Variants in STK32B observed in about 807,000 individuals in gnomAD.
STK32B encodes the protein serine/threonine-protein kinase 32B.
In STK32B, 43 loss-of-function variants were observed where a neutral mutation model predicts 52.6. The observed-to-expected ratio is 0.82, with a 90% CI of 0.64 to 1.05. STK32B has a LOEUF of 1.05. Ranked by LOEUF, STK32B falls within the 50% of genes least tolerant of loss-of-function variation. The pLI is 0.00. For synonymous variants in STK32B, 238 were observed against 204.3 expected (o/e 1.17, Z -1.41); for missense variants, 621 against 534.6 (o/e 1.16, Z -1.59).
chr4:5,065,354 G>A (rs1221203387), intron 1 of STK32B, among the ~76,000 whole-genome samples: 6 of 152,170 alleles, frequency 3.9e-5, no homozygotes, highest in Non-Finnish European at 8.8e-5. Flanking sequence ...CAGAAACTTA[G>A]AAGGTGGCCC....
chr4:5,198,629 C>T (rs913141509), intron 3 of STK32B, among the ~76,000 whole-genome samples: 1 of 152,138 alleles, frequency 6.6e-6, no homozygotes, highest in Non-Finnish European at 1.5e-5. Flanking sequence ...TTTAGGCCCA[C>T]GGCCCACATG....
chr4:5,360,677 A>G lies in STK32B; in HGVS notation c.434+29284A>G, dbSNP rs555121892. ...AAAAGTTAGCTGGGCATGGTGGCAC[A>G]TGCCTGTAATCCCAGCTACTCGGGA... On this transcript the variant is annotated intron_variant, in intron 4 of 11. Coordinates refer to ENST00000282908, the MANE Select transcript of STK32B (RefSeq NM_018401.3). 2.0e-4 allele frequency among the ~76,000 whole-genome samples: 30 copies of G among 152,264 alleles called. 1 individual carries two copies. The highest frequency in any genetic ancestry group is 3.4e-3 in the Middle Eastern group (1 of 294).
intron 3 of STK32B, among the ~76,000 whole-genome samples, chr4:5,175,738 A>G (rs781688280): frequency 2.0e-5 from 3 of 152,128 alleles, no homozygotes; most frequent in South Asian, 2.1e-4. Flanking sequence ...CAGTTAGGCT[A>G]CTTGGGGATC....
chr4:5,317,243 A>T (rs1300423111), intron 3 of STK32B, among the ~76,000 whole-genome samples: 7 of 47,416 alleles, frequency 1.5e-4, no homozygotes, highest in East Asian at 8.1e-4. Context: ...ACATATATAT[A>T]TTATATATAA....
chr4:5,253,276 A>G (rs768747323), intron 3 of STK32B, among the ~76,000 whole-genome samples: 6 of 152,104 alleles, frequency 3.9e-5, no homozygotes, highest in Non-Finnish European at 8.8e-5. Context: ...CTGGGCCTCC[A>G]ACTAGACAAT....
At chr4:5,191,280 T>C (rs1325340131) in intron 3 of STK32B, among the ~76,000 whole-genome samples, 2 of 150,288 alleles carry the variant, frequency 1.3e-5, no homozygotes, top group Non-Finnish European at 3.0e-5. Context: ...AGACAGAGTC[T>C]CGCTCTGTCA....
chr4:5,453,517 G>A lies in STK32B; in HGVS notation c.667-3290G>A, dbSNP rs1264988821. Reference sequence around the variant, plus strand: ...GATGAAGTGCCCCATCATTGTCCAGGGTCTTTGCACCTCCTTTTCAGGGTA... The same window carrying A: ...GATGAAGTGCCCCATCATTGTCCAGAGTCTTTGCACCTCCTTTTCAGGGTA... On this transcript the variant is annotated intron_variant, in intron 7 of 11. Transcript: ENST00000282908. The surrounding 1 kb of genome is among the most constrained non-coding windows in gnomAD (Gnocchi z 4.0). Among the ~76,000 whole-genome samples the A allele has an allele frequency of 6.6e-6, 1 of 152,088 alleles. No homozygotes were observed. The highest frequency in any genetic ancestry group is 1.5e-5 in the Non-Finnish European group (1 of 68,028).
chr4:5,281,422 C>G (rs1728190505), intron 3 of STK32B, among the ~76,000 whole-genome samples: 1 of 152,030 alleles, frequency 6.6e-6, no homozygotes, highest in South Asian at 2.1e-4. Context: ...AGGGGAACAT[C>G]ACACACCAGG....
chr4:5,184,854 C>T (rs1022909564), intron 3 of STK32B, among the ~76,000 whole-genome samples: 1 of 152,170 alleles, frequency 6.6e-6, no homozygotes, highest in East Asian at 1.9e-4. Context: ...GTGCTTGATG[C>T]AGGGTTGCCG....
chr4:5,466,408 G>A (rs565083302), intron 9 of STK32B, among the ~76,000 whole-genome samples: 12 of 152,256 alleles, frequency 7.9e-5, no homozygotes, highest in East Asian at 1.9e-4. Context: ...AATCAGATTC[G>A]AAAACTGAAC....
intron 4 of STK32B, among the ~76,000 whole-genome samples, chr4:5,333,810 G>C (rs1015433192): frequency 1.3e-5 from 2 of 152,092 alleles, no homozygotes; most frequent in Non-Finnish European, 2.9e-5. Flanking sequence ...ATTTCTGAGG[G>C]CTCTGTTGTG....
At chr4:5,357,587 G>C (rs760817892) in intron 4 of STK32B, among the ~76,000 whole-genome samples, 16 of 151,902 alleles carry the variant, frequency 1.1e-4, no homozygotes, top group Admixed American at 3.3e-4. Flanking sequence ...TGTTCTCTGG[G>C]CAGTCTGAAC....
intron 3 of STK32B, among the ~76,000 whole-genome samples, chr4:5,262,374 C>T (rs1726766833): frequency 6.6e-6 from 1 of 151,912 alleles, no homozygotes; most frequent in Non-Finnish European, 1.5e-5. Flanking sequence ...CACCTGTAAT[C>T]CCAGCACTTT....
At chr4:5,473,353 A>G (rs1262953704) in intron 11 of STK32B, among the ~76,000 whole-genome samples, 2 of 152,174 alleles carry the variant, frequency 1.3e-5, no homozygotes, top group African/African-American at 2.4e-5. Flanking sequence ...GTTCTCTCCA[A>G]TGCACCCAAT....
chr4:5,073,655 G>A (rs1711910931), intron 1 of STK32B, among the ~76,000 whole-genome samples: 1 of 151,972 alleles, frequency 6.6e-6, no homozygotes, highest in Non-Finnish European at 1.5e-5. Flanking sequence ...CTTTCAGATA[G>A]TACAGGCCTG....
At chr4:5,437,643 G>A (rs558565526) in intron 6 of STK32B, among the ~76,000 whole-genome samples, 3 of 152,268 alleles carry the variant, frequency 2.0e-5, no homozygotes, top group South Asian at 2.1e-4. Flanking sequence ...GCAATGATTC[G>A]GCCCACTACA....
At chr4:5,140,665 T>A (rs1489163457) in intron 2 of STK32B, among the ~76,000 whole-genome samples, 1 of 152,210 alleles carries the variant, frequency 6.6e-6, no homozygotes, top group Non-Finnish European at 1.5e-5. Flanking sequence ...ACCTGCTGTT[T>A]CAGCAGCCCA....
rs370060540 is a variant in STK32B, at chr4:5,365,051, T to G, written c.435-33156T>G. 4.6e-5 allele frequency among the ~76,000 whole-genome samples: 7 copies of G among 152,096 alleles called. No homozygotes were observed. In the East Asian group the frequency reaches 5.8e-4, roughly 13 times the overall value. ...CCACCACACCCGGCTAATTTTTGTA[T>G]TTTTAGTGGAGATGGGGTTTCACCA... On this transcript the variant is annotated intron_variant, in intron 4 of 11. Transcript: ENST00000282908.
At chr4:5,275,120 A>G (rs960134271) in intron 3 of STK32B, among the ~76,000 whole-genome samples, 3 of 152,174 alleles carry the variant, frequency 2.0e-5, no homozygotes, top group Admixed American at 6.5e-5. Context: ...GCTTGCCATC[A>G]TCTTGGAAGT....
Sources: allele counts gnomAD v4.1 joint callset (sites outside exome capture counted in the v4.1 genomes callset), GRCh38; gene constraint gnomAD v4.1.1; non-coding constraint Gnocchi (gnomAD v3.1); transcripts MANE v1.5; gene names NCBI Gene and HGNC (gene_info 2026-07-23, HGNC 2026-07-21).